The following KPNA5 variants were observed in gnomAD, a reference collection of about 807,000 sequenced individuals.
KPNA5 encodes importin subunit alpha-6.
Under a neutral mutation model 71.3 loss-of-function variants are expected in KPNA5, and 46 were observed. The ratio of observed to expected loss-of-function variants is 0.65; its 90% CI spans 0.51 to 0.83. KPNA5 has a LOEUF of 0.83. KPNA5 is among the 40% of genes least tolerant of loss of function. KPNA5 has a pLI of 0.00. For missense variants in KPNA5, 547 were observed against 628.3 expected, an observed-to-expected ratio of 0.87 and a Z score of 1.38; for synonymous variants, 207 against 201.4, an observed-to-expected ratio of 1.03 and a Z score of -0.24.
Position 116,692,162 on chromosome 6 carries a change from C to A in KPNA5, c.240+6C>A, listed in dbSNP as rs1241507423. ...CCACTGTACCCATTCCAGAGGTATA[C>A]TTTACCAAAATATGTTTCAAATTAT... On this transcript the variant is annotated splice_donor_region_variant and intron_variant, in intron 3 of 13. Transcript: ENST00000368564. 13 of 1,571,124 alleles carry A rather than the reference C, an allele frequency of 8.3e-6. No individual in the cohort carries two copies. Among genetic ancestry groups the A allele is most frequent in the Non-Finnish European group, 1.1e-5 (13 of 1,146,790 alleles).
At chr6:116,722,418 C>T in intron 9 of KPNA5, 129 bp downstream of exon 9, 1 of 720,744 alleles carries the variant, frequency 1.4e-6, no homozygotes, top group Non-Finnish European at 2.1e-6. Context: ...TGACCCAACA[C>T]TTAACAGAAT....
chr6:116,725,680 A>G, intron 10 of KPNA5, 71 bp from the exon 11 acceptor site: 7 of 1,306,942 alleles, frequency 5.4e-6, no homozygotes, highest in Non-Finnish European at 7.3e-6. Flanking sequence ...ACATCTAAAT[A>G]ATTCATTAGT....
chr6:116,693,085 A>C (rs1242914930), intron 4 of KPNA5, among the ~76,000 whole-genome samples: 1 of 152,210 alleles, frequency 6.6e-6, no homozygotes, highest in African/African-American at 2.4e-5. Context: ...TTATGGCTGC[A>C]TAGTGTTCCA....
Position 116,692,093 on chromosome 6 carries a change from T to A in KPNA5, c.177T>A (p.Asp59Glu). 6.2e-7 allele frequency: 1 copy of A among 1,613,150 alleles called. No homozygotes were observed. Among genetic ancestry groups the A allele is most frequent in the Non-Finnish European group, 8.5e-7 (1 of 1,179,320 alleles). The change falls in exon 3 of 14, where the codon GAT (aspartate) becomes GAA (glutamate). Residue 59 changes from aspartate (D) to glutamate (E), a missense_variant. Transcript: ENST00000368564. Reference sequence around the variant, plus strand: ...GAAATGTCTATTTGCCCAGAAATGATGAATCTATGCTTGAAAGTCCTATAC... The same window carrying A: ...GAAATGTCTATTTGCCCAGAAATGAAGAATCTATGCTTGAAAGTCCTATAC... ...KRRNVYLPRNDESMLESPIQD... is the reference protein window; with the variant it reads ...KRRNVYLPRNEESMLESPIQD...
intron 11 of KPNA5, 92 bp downstream of exon 11, chr6:116,725,968 T>C (rs1779272926): frequency 7.1e-7 from 1 of 1,412,072 alleles, no homozygotes; most frequent in Non-Finnish European, 9.6e-7. Context: ...AGATTCCTTT[T>C]TAAAAAGATA....
chr6:116,739,355 A>G lies in KPNA5; in HGVS notation c.*7032A>G, dbSNP rs971713909. The G allele has an allele frequency of 3.9e-5, 6 of 152,182 alleles. No homozygotes were observed. Among genetic ancestry groups the G allele is most frequent in the Non-Finnish European group, 8.8e-5 (6 of 68,038 alleles). 9.4% of individuals were successfully genotyped at this position (152,182 alleles called of 1,614,324 possible). On this transcript the variant is annotated 3_prime_UTR_variant, in exon 14 of 14. Coordinates refer to ENST00000368564, the MANE Select transcript of KPNA5 (RefSeq NM_001366306.2). ...TGCTCAATGAAATAAAAGAGGATAC[A>G]AAGAAATGGAAGAACATTCCATGCT...
intron 12 of KPNA5, 40 bp downstream of exon 12, chr6:116,726,662 G>T: frequency 6.8e-7 from 1 of 1,460,314 alleles, no homozygotes; most frequent in Non-Finnish European, 9.2e-7. Context: ...ACATGTAAAT[G>T]AGACAAAAGT....
At chr6:116,718,672 A>G (rs1017879474) in intron 8 of KPNA5, among the ~76,000 whole-genome samples, 1 of 152,020 alleles carries the variant, frequency 6.6e-6, no homozygotes, top group African/African-American at 2.4e-5. Context: ...ATAATATCAC[A>G]TTTTGGGGCT....
intron 1 of KPNA5, among the ~76,000 whole-genome samples, chr6:116,688,874 T>G (rs1777689435): frequency 6.6e-6 from 1 of 152,158 alleles, no homozygotes. Flanking sequence ...TACTGGAGCC[T>G]AATATCATAT....
At chr6:116,723,203 TATA>T (rs1338709977) in intron 9 of KPNA5, among the ~76,000 whole-genome samples, 1 of 152,128 alleles carries the variant, frequency 6.6e-6, no homozygotes, top group African/African-American at 2.4e-5. Context: ...GAGATAAAAA[TATA>T]GAAGAGGAGA....
In KPNA5 at chr6:116,732,104, ATATATATATATATATATAC is replaced by A; in HGVS notation, c.1433-30_1433-12del. On this transcript the variant is annotated splice_polypyrimidine_tract_variant and intron_variant, in intron 13 of 13. Coordinates refer to ENST00000368564, the MANE Select transcript of KPNA5 (RefSeq NM_001366306.2). ...TATATATATATATATATATATATAT[ATATATATATATATATATAC>A]TTTGTATAACAGGTCTGGATAAAAT... is the stretch of plus-strand genomic sequence containing the variant. 1 of 163,210 alleles carries A rather than the reference ATATATATATATATATATAC, an allele frequency of 6.1e-6. No individual in the cohort carries two copies. Among genetic ancestry groups the A allele is most frequent in the Non-Finnish European group, 1.1e-5 (1 of 89,144 alleles). The allele number at this position is 163,210 out of a possible 1,614,324, so 10.1% of individuals were successfully genotyped here.
At chr6:116,724,217 G>A (rs1779214775) in intron 9 of KPNA5, 80 bp from the exon 10 acceptor site, 2 of 838,898 alleles carry the variant, frequency 2.4e-6, no homozygotes, top group African/African-American at 3.4e-5. Flanking sequence ...CACCCCGCAG[G>A]AGTTTGTAGT....
chr6:116,686,280 G>C (rs1255497069), intron 1 of KPNA5, among the ~76,000 whole-genome samples: 2 of 152,064 alleles, frequency 1.3e-5, no homozygotes, highest in African/African-American at 2.4e-5. Flanking sequence ...TTCTGGTTTT[G>C]ATTTGCATTT....
At chr6:116,710,848 C>T (rs1778633846) in intron 7 of KPNA5, among the ~76,000 whole-genome samples, 1 of 132,428 alleles carries the variant, frequency 7.6e-6, no homozygotes, top group African/African-American at 2.7e-5. Context: ...TCTCTACTTT[C>T]ATTCTTAATT....
chr6:116,706,415 C>A (rs941110332), intron 7 of KPNA5, among the ~76,000 whole-genome samples: 2 of 152,202 alleles, frequency 1.3e-5, no homozygotes, highest in African/African-American at 2.4e-5. Flanking sequence ...TCAGGCTGGG[C>A]GTGGTGGCTC....
chr6:116,691,741 G>A (rs1329161618), intron 2 of KPNA5, among the ~76,000 whole-genome samples: 1 of 152,118 alleles, frequency 6.6e-6, no homozygotes. Context: ...AATCCAGTGT[G>A]TAAATATGTG....
rs79206456 is a variant in KPNA5, at chr6:116,708,232, C to T, written c.656+3072C>T. On this transcript the variant is annotated intron_variant, in intron 7 of 13. Transcript: ENST00000368564. ...AACATTCATGTACAAGGTTTTGTCT[C>T]AGTACTGGTTTTTAATTCTTGTGGG... 6.3e-3 allele frequency among the ~76,000 whole-genome samples: 955 copies of T among 152,262 alleles called. 6 individuals are homozygous for T. Among genetic ancestry groups the T allele is most frequent in the African/African-American group, 0.022 (927 of 41,544 alleles).
At position 116,733,760 on chromosome 6, in the gene KPNA5, C is replaced by T. The variant is rs2114515884; in HGVS notation, c.*1437C>T. ...ACTCTTTTTAAGATGAGAACTAAGG[C>T]AATTTTGATATGATTCATGGTCTAT... On this transcript the variant is annotated 3_prime_UTR_variant, in exon 14 of 14. Coordinates refer to ENST00000368564, the MANE Select transcript of KPNA5 (RefSeq NM_001366306.2). 1.3e-5 allele frequency: 2 copies of T among 151,516 alleles called. No individual in the cohort carries two copies. The highest frequency in any genetic ancestry group is 2.4e-5 in the African/African-American group (1 of 41,430). The allele number at this position is 151,516 out of a possible 1,614,324, so 9.4% of individuals were successfully genotyped here. A position where few individuals can be genotyped will look rare whatever the true frequency, so the allele number is the denominator to read the frequency against.
intron 11 of KPNA5, among the ~76,000 whole-genome samples, chr6:116,726,289 A>G (rs1043821951): frequency 6.6e-6 from 1 of 152,038 alleles, no homozygotes; most frequent in Non-Finnish European, 1.5e-5. Context: ...ATATTTTGCT[A>G]TTCTCCAGTC....
Sources: gnomAD v4.1 joint callset for allele counts (sites outside exome capture counted in the v4.1 genomes callset) on GRCh38, gnomAD v4.1.1 for gene constraint, MANE v1.5 for transcripts, NCBI Gene and HGNC (gene_info 2026-07-23, HGNC 2026-07-21) for gene names.